CDA: variants seen among roughly 807,000 people sequenced by gnomAD.
CDA encodes cytidine deaminase, also known as cytidine aminohydrolase.
In CDA, 7 loss-of-function variants were observed where a neutral mutation model predicts 15.0. That is an observed-to-expected ratio of 0.47 (90% confidence interval 0.26 to 0.87). CDA has a LOEUF of 0.87. Among genes scored for constraint, CDA ranks in the 40% least tolerant of loss-of-function variants. CDA has a pLI of 0.15. For missense variants in CDA, 159 were observed against 182.7 expected, an observed-to-expected ratio of 0.87 and a Z score of 0.75; for synonymous variants, 58 against 73.0, an observed-to-expected ratio of 0.79 and a Z score of 1.05.
chr1:20,613,552 A>G (rs2052773666), intron 2 of CDA, among the ~76,000 whole-genome samples: 1 of 152,198 alleles, frequency 6.6e-6, no homozygotes, highest in South Asian at 2.1e-4. Context: ...CATAACAGAG[A>G]CAAATTCTCT....
intron 1 of CDA, among the ~76,000 whole-genome samples, chr1:20,603,348 A>G (rs2052664828): frequency 6.6e-6 from 1 of 152,006 alleles, no homozygotes; most frequent in Admixed American, 6.6e-5. Flanking sequence ...CAAACGGGCA[A>G]CTCTGCCCCA....
At chr1:20,592,727 G>A (rs2052559457) in intron 1 of CDA, among the ~76,000 whole-genome samples, 1 of 152,194 alleles carries the variant, frequency 6.6e-6, no homozygotes, top group Non-Finnish European at 1.5e-5. Flanking sequence ...ACTGGGACAG[G>A]TAGAATGAAG....
chr1:20,591,342 AAAAC>A (rs1461288172), intron 1 of CDA, among the ~76,000 whole-genome samples: 5 of 151,688 alleles, frequency 3.3e-5, no homozygotes, highest in Non-Finnish European at 5.9e-5. Flanking sequence ...CTCTGTCTCA[AAAAC>A]AAACAAACAA....
intron 2 of CDA, among the ~76,000 whole-genome samples, chr1:20,612,942 CAAAAA>C (rs35637551): frequency 1.2e-5 from 1 of 84,990 alleles, no homozygotes; most frequent in African/African-American, 4.6e-5. Flanking sequence ...GACTCCATCT[CAAAAA>C]AAAAAAAAAA....
intron 2 of CDA, among the ~76,000 whole-genome samples, chr1:20,609,675 C>T (rs775013360): frequency 6.6e-6 from 1 of 152,112 alleles, no homozygotes; most frequent in Non-Finnish European, 1.5e-5. Context: ...AGGAATTGTC[C>T]GATTGGTCTT....
intron 1 of CDA, among the ~76,000 whole-genome samples, chr1:20,593,297 T>G (rs1416316412): frequency 6.6e-6 from 1 of 152,114 alleles, no homozygotes. Flanking sequence ...GGACTTCATT[T>G]AGATGACCTC....
At chr1:20,602,623 T>C (rs1166784972) in intron 1 of CDA, among the ~76,000 whole-genome samples, 1 of 152,130 alleles carries the variant, frequency 6.6e-6, no homozygotes, top group Non-Finnish European at 1.5e-5. Context: ...GGTTTCACCA[T>C]ATTGGCCAGG....
intron 1 of CDA, among the ~76,000 whole-genome samples, chr1:20,596,187 C>CTA (rs2052590506): frequency 6.6e-6 from 1 of 152,128 alleles, no homozygotes; most frequent in Non-Finnish European, 1.5e-5. Flanking sequence ...GCAAGCTTTA[C>CTA]TACAGTCCCT....
chr1:20,599,389 C>T (rs151058097), intron 1 of CDA, among the ~76,000 whole-genome samples: 3,275 of 152,060 alleles, frequency 0.022, 113 homozygotes, highest in African/African-American at 0.074. Flanking sequence ...GAGGCTGAGG[C>T]GGGTGGATCA....
At chr1:20,597,894 CTTTT>C (rs35045423) in intron 1 of CDA, among the ~76,000 whole-genome samples, 2 of 138,714 alleles carry the variant, frequency 1.4e-5, no homozygotes. Flanking sequence ...TTTTATTTGC[CTTTT>C]TTTTTTTTTT....
At chr1:20,611,566 C>T (rs140089417) in intron 2 of CDA, among the ~76,000 whole-genome samples, 333 of 152,026 alleles carry the variant, frequency 2.2e-3, no homozygotes, top group African/African-American at 7.5e-3. Flanking sequence ...TTTTTAGTAG[C>T]GATGGGGTCC....
chr1:20,618,863 G>C lies in CDA; in HGVS notation c.*295G>C, dbSNP rs867618532. ...CCTTCCCAAGGTTCTATCCTGTTCC[G>C]AGCAACTTTTCTAATTATAAACATC... On this transcript the variant is annotated 3_prime_UTR_variant, in exon 4 of 4. Coordinates refer to ENST00000375071, the MANE Select transcript of CDA (RefSeq NM_001785.3). 3.7e-5 allele frequency: 15 copies of C among 402,994 alleles called. No homozygotes were observed. Among genetic ancestry groups the C allele is most frequent in the African/African-American group, 1.4e-4 (7 of 48,726 alleles). The allele number at this position is 402,994 out of a possible 1,614,324, so 25.0% of individuals were successfully genotyped here.
At position 20,589,254 on chromosome 1, in the gene CDA, T is replaced by A. The variant is rs1297938259; in HGVS notation, c.125T>A (p.Leu42Gln). The A allele has an allele frequency of 6.2e-7, 1 of 1,614,036 alleles. No individual in the cohort carries two copies. The highest frequency in any genetic ancestry group is 8.5e-7 in the Non-Finnish European group (1 of 1,179,990). The change falls in exon 1 of 4, where the codon CTG (leucine) becomes CAG (glutamine). Residue 42 changes from leucine to glutamine, a missense_variant. Transcript: ENST00000375071. The part of the protein sequence containing the change: ...PYSHFPVGAA[L>Q]LTQEGRIFKG... ...AGTCACTTTCCTGTGGGGGCTGCCC[T>A]GCTCACCCAGGAGGGGAGAATCTTC...
At chr1:20,617,738 A>C (rs2052828508) in intron 3 of CDA, among the ~76,000 whole-genome samples, 1 of 150,720 alleles carries the variant, frequency 6.6e-6, no homozygotes. Context: ...TCTATGGCCA[A>C]GGCTGGACTG....
At chr1:20,605,919 C>T (rs1276637021) in intron 2 of CDA, among the ~76,000 whole-genome samples, 1 of 126,316 alleles carries the variant, frequency 7.9e-6, no homozygotes, top group African/African-American at 2.8e-5. Flanking sequence ...ATTCTCTTGG[C>T]TTACTTATAG....
intron 2 of CDA, among the ~76,000 whole-genome samples, chr1:20,610,261 C>CTTTTTTTTTTTTTTTTTTTTTT (rs760754305): frequency 1.9e-4 from 12 of 62,966 alleles, no homozygotes; most frequent in Non-Finnish European, 3.0e-4. Flanking sequence ...CACACATTAT[C>CTTTTTTTTTTTTTTTTTTTTTT]TTTTTTTTTT....
Position 20,617,367 on chromosome 1 carries a change from G to A in CDA, c.325-1085G>A, listed in dbSNP as rs1242156055. ...GGGTAGATTATGAAACCACGCATGT[G>A]CAGTATCTATGTGGTGTGGTTTGGC... is the stretch of plus-strand genomic sequence containing the variant. On this transcript the variant is annotated intron_variant, in intron 3 of 3. Transcript: ENST00000375071. Among the ~76,000 whole-genome samples the A allele has an allele frequency of 2.0e-5, 3 of 152,182 alleles. No individual in the cohort carries two copies. In the East Asian group the frequency reaches 5.8e-4, roughly 29 times the overall value.
chr1:20,605,154 A>T (rs1177493630), intron 2 of CDA, 115 bp downstream of exon 2: 8 of 746,662 alleles, frequency 1.1e-5, no homozygotes, highest in Middle Eastern at 4.6e-4. Flanking sequence ...TGGACTTCCT[A>T]TGTGCCAGGC....
intron 2 of CDA, among the ~76,000 whole-genome samples, chr1:20,608,898 G>T (rs538919263): frequency 6.6e-6 from 1 of 152,112 alleles, no homozygotes; most frequent in African/African-American, 2.4e-5. Context: ...TGCATACCCC[G>T]GCCCCTTACA....
Sources: gnomAD v4.1 joint callset for allele counts (sites outside exome capture counted in the v4.1 genomes callset) on GRCh38, gnomAD v4.1.1 for gene constraint, MANE v1.5 for transcripts, NCBI Gene and HGNC (gene_info 2026-07-23, HGNC 2026-07-21) for gene names.